Variants in UTRN observed in about 807,000 individuals in gnomAD.
UTRN encodes the protein dystrophin-related protein 1.
A neutral mutation model predicts 463.9 loss-of-function variants in UTRN; 283 were observed. That is an observed-to-expected ratio of 0.61 (90% CI 0.55 to 0.67). UTRN has a LOEUF of 0.67. Among genes scored for constraint, UTRN ranks in the 30% least tolerant of loss-of-function variants. The pLI is 0.00. For synonymous variants in UTRN, 1,442 were observed against 1,431.5 expected, an observed-to-expected ratio of 1.01 and a Z score of -0.17; for missense variants, 3,922 against 4,084.3, an observed-to-expected ratio of 0.96 and a Z score of 1.08.
At chr6:144,794,546 A>G (rs1777049448) in intron 63 of UTRN, among the ~76,000 whole-genome samples, 1 of 152,156 alleles carries the variant, frequency 6.6e-6, no homozygotes, top group Non-Finnish European at 1.5e-5. Flanking sequence ...ACTCAGTGCA[A>G]TTATAATTAC....
chr6:144,770,511 T>G (rs2128732352), intron 58 of UTRN, among the ~76,000 whole-genome samples: 1 of 152,294 alleles, frequency 6.6e-6, no homozygotes, highest in Admixed American at 6.5e-5. Context: ...TTAAGAAGTC[T>G]TTGGAGCACT....
intron 53 of UTRN, among the ~76,000 whole-genome samples, chr6:144,728,787 G>A (rs372251107): frequency 4.0e-5 from 6 of 151,898 alleles, no homozygotes; most frequent in African/African-American, 1.2e-4. Context: ...CACTTTGCTC[G>A]TTCATTTAAA....
At chr6:144,417,698 T>G (rs1386762837) in intron 3 of UTRN, among the ~76,000 whole-genome samples, 1 of 152,254 alleles carries the variant, frequency 6.6e-6, no homozygotes, top group Non-Finnish European at 1.5e-5. Flanking sequence ...ATTCAAATTT[T>G]AGTGTCTATA....
chr6:144,836,173 A>C, intron 70 of UTRN, 128 bp from the exon 71 acceptor site: 2 of 1,427,714 alleles, frequency 1.4e-6, no homozygotes, highest in Non-Finnish European at 1.8e-6. Context: ...CTGCATGCTC[A>C]TCCTGCTATT....
intron 50 of UTRN, among the ~76,000 whole-genome samples, chr6:144,574,092 A>T (rs1004693743): frequency 1.3e-5 from 2 of 152,202 alleles, no homozygotes; most frequent in Non-Finnish European, 2.9e-5. Flanking sequence ...TGTGGATATA[A>T]CATTTTCGTG....
At chr6:144,456,287 A>G (rs1393858420) in intron 19 of UTRN, among the ~76,000 whole-genome samples, 2 of 152,198 alleles carry the variant, frequency 1.3e-5, no homozygotes, top group African/African-American at 4.8e-5. Flanking sequence ...CAATTCTGAT[A>G]GGTCTTTCCT....
At chr6:144,492,173 T>TCCTCCTTC (rs1468684964) in intron 32 of UTRN, among the ~76,000 whole-genome samples, 2 of 152,202 alleles carry the variant, frequency 1.3e-5, no homozygotes, top group African/African-American at 2.4e-5. Flanking sequence ...CTTGCCCCTT[T>TCCTCCTTC]CCTCCTTCCC....
intron 74 of UTRN, among the ~76,000 whole-genome samples, chr6:144,848,079 G>A (rs1257842244): frequency 6.6e-6 from 1 of 152,164 alleles, no homozygotes; most frequent in African/African-American, 2.4e-5. Flanking sequence ...TGAGCTGTGG[G>A]TGTTCTCTCC....
intron 19 of UTRN, among the ~76,000 whole-genome samples, chr6:144,455,474 C>G (rs542604140): frequency 3.9e-5 from 6 of 152,252 alleles, no homozygotes; most frequent in Admixed American, 1.3e-4. Context: ...TTACTTCTAC[C>G]TCAGCATTGT....
intron 54 of UTRN, among the ~76,000 whole-genome samples, chr6:144,734,992 A>G (rs760995975): frequency 6.6e-6 from 1 of 152,106 alleles, no homozygotes; most frequent in Non-Finnish European, 1.5e-5. Flanking sequence ...GTATTTTGTA[A>G]TATTTAGAAT....
chr6:144,289,827 T>C (rs1044666440), intron 1 of UTRN, among the ~76,000 whole-genome samples: 6 of 152,158 alleles, frequency 3.9e-5, no homozygotes, highest in Non-Finnish European at 5.9e-5. Context: ...TTTTGTATTT[T>C]TTTTTAAGTA....
At chr6:144,423,657 G>C (rs753045349) in intron 5 of UTRN, 31 bp downstream of exon 5, 1 of 1,609,586 alleles carries the variant, frequency 6.2e-7, no homozygotes, top group Admixed American at 1.7e-5. Context: ...CTGGGGGTCT[G>C]TGCTGCCATC....
intron 51 of UTRN, among the ~76,000 whole-genome samples, chr6:144,616,868 G>A (rs1325407145): frequency 6.6e-6 from 1 of 152,124 alleles, no homozygotes; most frequent in Admixed American, 6.6e-5. Context: ...CATCAGTGCA[G>A]CCAGCCCGCC....
chr6:144,508,236 G>A (rs1794854584), intron 34 of UTRN, among the ~76,000 whole-genome samples: 1 of 151,446 alleles, frequency 6.6e-6, no homozygotes, highest in Admixed American at 6.6e-5. Context: ...CCCCTTTCCA[G>A]GGGAGTGAAT....
chr6:144,735,875 C>T (rs1789333322), intron 54 of UTRN, among the ~76,000 whole-genome samples: 1 of 151,574 alleles, frequency 6.6e-6, no homozygotes, highest in Non-Finnish European at 1.5e-5. Context: ...TTTGGGCACA[C>T]ATGTTTCAAA....
intron 52 of UTRN, among the ~76,000 whole-genome samples, chr6:144,689,312 C>A (rs1329708317): frequency 5.9e-5 from 9 of 152,182 alleles, no homozygotes; most frequent in Admixed American, 5.9e-4. Context: ...TCCTCCAAGA[C>A]CCTTCAGGAG....
intron 69 of UTRN, among the ~76,000 whole-genome samples, chr6:144,831,275 G>T (rs59527119): frequency 0.043 from 6,520 of 152,178 alleles, 427 homozygotes; most frequent in African/African-American, 0.14. Context: ...GAAATAGAGA[G>T]ATTATCCTGG....
intron 50 of UTRN, among the ~76,000 whole-genome samples, chr6:144,570,308 T>G (rs573719310): frequency 6.6e-6 from 1 of 152,270 alleles, no homozygotes; most frequent in Admixed American, 6.5e-5. Flanking sequence ...ACAGAGGCAG[T>G]GACCACTCAG....
At chr6:144,329,995 CAGAGCATACAAATAGTTGTTTAACTGCTT>C (rs1480304650) in intron 2 of UTRN, among the ~76,000 whole-genome samples, 6 of 152,190 alleles carry the variant, frequency 3.9e-5, no homozygotes, top group African/African-American at 1.4e-4. Flanking sequence ...CATCAAATTG[CAGAGCATACAAATAGTTGTTTAACTGCTT>C]AGAGGGTAGA....
Sources: gnomAD v4.1 joint callset for allele counts (sites outside exome capture counted in the v4.1 genomes callset) on GRCh38, gnomAD v4.1.1 for gene constraint, MANE v1.5 for transcripts, NCBI Gene and HGNC (gene_info 2026-07-23, HGNC 2026-07-21) for gene names.